The following KCNJ6 variants were observed in gnomAD, a reference collection of about 807,000 sequenced individuals.
KCNJ6 encodes G protein-activated inward rectifier potassium channel 2.
Under a neutral mutation model 34.2 loss-of-function variants are expected in KCNJ6, and 9 were observed. The ratio of observed to expected loss-of-function variants is 0.26; its 90% CI spans 0.16 to 0.46. The LOEUF (loss-of-function observed/expected upper bound fraction) is 0.46. Ranked by LOEUF, KCNJ6 falls within the 20% of genes least tolerant of loss-of-function variation. The probability of loss-of-function intolerance (pLI) is 1.00; values close to 1 mark genes in which losing one functional copy is unlikely to be tolerated. For synonymous variants in KCNJ6, 196 were observed against 207.1 expected (o/e 0.95, Z 0.46); for missense variants, 236 against 531.3 (o/e 0.44, Z 5.46).
chr21:37,743,162 A>G (rs1202170930), intron 2 of KCNJ6, among the ~76,000 whole-genome samples: 1 of 152,112 alleles, frequency 6.6e-6, no homozygotes, highest in African/African-American at 2.4e-5. Flanking sequence ...TCCCTGACAG[A>G]CCCTCAATCT....
intron 2 of KCNJ6, among the ~76,000 whole-genome samples, chr21:37,752,198 T>C (rs1004017152): frequency 8.5e-5 from 13 of 152,270 alleles, no homozygotes; most frequent in Admixed American, 2.0e-4. Context: ...TCATGAGACC[T>C]TGGGCACCAG....
rs575035235 is a variant in KCNJ6 at position 37,879,306 on chromosome 21, A to T, written c.-28+36578T>A. Among the ~76,000 whole-genome samples the T allele has an allele frequency of 7.9e-5, 12 of 152,290 alleles. No homozygotes were observed. In the East Asian group the frequency reaches 9.7e-4, roughly 12 times the overall value. Reference sequence around the variant, plus strand: ...TCTGAGGACAGGGAAAGGTGGTGTGAAATGCCTCCAGAACAAAGGTGGGTT... The same window carrying T: ...TCTGAGGACAGGGAAAGGTGGTGTGTAATGCCTCCAGAACAAAGGTGGGTT... On this transcript the variant is annotated intron_variant, in intron 1 of 3. Transcript: ENST00000609713.
chr21:37,857,234 T>C (rs1188474483), intron 1 of KCNJ6, among the ~76,000 whole-genome samples: 3 of 152,188 alleles, frequency 2.0e-5, no homozygotes, highest in Non-Finnish European at 4.4e-5. Context: ...GGGAGGGCTA[T>C]TGTTACATGC....
intron 2 of KCNJ6, among the ~76,000 whole-genome samples, chr21:37,811,580 G>A (rs919626695): frequency 5.3e-5 from 8 of 152,202 alleles, no homozygotes; most frequent in Admixed American, 5.2e-4. Context: ...GGTGTCAGAA[G>A]TGTTCTGTTT....
At chr21:37,824,110 G>C (rs1170202008) in intron 2 of KCNJ6, among the ~76,000 whole-genome samples, 1 of 152,134 alleles carries the variant, frequency 6.6e-6, no homozygotes, top group African/African-American at 2.4e-5. Context: ...GGGGGAAAAA[G>C]AGACAAATGC....
At chr21:37,707,712 A>AGTGTGTGTGTGTGTGTGTGTGT (rs1556022131) in intron 3 of KCNJ6, among the ~76,000 whole-genome samples, 7 of 132,774 alleles carry the variant, frequency 5.3e-5, no homozygotes, top group Non-Finnish European at 7.5e-5. Flanking sequence ...TTAGCTGTTT[A>AGTGTGTGTGTGTGTGTGTGTGT]GTATCTGTGC....
intron 2 of KCNJ6, among the ~76,000 whole-genome samples, chr21:37,771,532 C>T (rs1179720483): frequency 2.0e-5 from 3 of 152,134 alleles, no homozygotes; most frequent in South Asian, 2.1e-4. Context: ...CTCTGGTAAA[C>T]GTTGACTGAT....
chr21:37,672,623 T>C (rs2054547195), intron 3 of KCNJ6, among the ~76,000 whole-genome samples: 1 of 152,202 alleles, frequency 6.6e-6, no homozygotes, highest in Non-Finnish European at 1.5e-5. Flanking sequence ...CTTAGCTTAG[T>C]ATAAACTTAT....
chr21:37,856,419 G>T (rs1019885868), intron 1 of KCNJ6, among the ~76,000 whole-genome samples: 20 of 152,080 alleles, frequency 1.3e-4, no homozygotes, highest in African/African-American at 4.6e-4. Flanking sequence ...GTGATTTTGT[G>T]CTTCCGGCCT....
At chr21:37,880,897 G>T (rs1286504508) in intron 1 of KCNJ6, among the ~76,000 whole-genome samples, 1 of 152,176 alleles carries the variant, frequency 6.6e-6, no homozygotes, top group Admixed American at 6.5e-5. Flanking sequence ...AACTTCAAAA[G>T]AATTCAGAGA....
At chr21:37,669,028 A>G (rs1289146827) in intron 3 of KCNJ6, among the ~76,000 whole-genome samples, 2 of 152,166 alleles carry the variant, frequency 1.3e-5, no homozygotes, top group East Asian at 1.9e-4. Flanking sequence ...AAACATTGCC[A>G]TCTATTGTCT....
At chr21:37,642,205 G>A (rs2054383823) in intron 3 of KCNJ6, among the ~76,000 whole-genome samples, 1 of 152,172 alleles carries the variant, frequency 6.6e-6, no homozygotes, top group Admixed American at 6.5e-5. Context: ...GATAACAGAA[G>A]CCTGGGAGGG....
intron 2 of KCNJ6, among the ~76,000 whole-genome samples, chr21:37,808,334 A>G (rs61408670): frequency 0.017 from 2,587 of 152,322 alleles, 75 homozygotes; most frequent in African/African-American, 0.056. Flanking sequence ...TATTCTGAGA[A>G]ATGGAGCTAA....
intron 3 of KCNJ6, among the ~76,000 whole-genome samples, chr21:37,655,917 T>G (rs2054461711): frequency 6.6e-6 from 1 of 152,190 alleles, no homozygotes; most frequent in Non-Finnish European, 1.5e-5. Flanking sequence ...TCTCTTGCTC[T>G]CTCTCTTTTT....
At chr21:37,629,590 T>C (rs1438942283) in intron 3 of KCNJ6, among the ~76,000 whole-genome samples, 1 of 152,142 alleles carries the variant, frequency 6.6e-6, no homozygotes, top group Non-Finnish European at 1.5e-5. Context: ...AAAGATTATG[T>C]GAACAGAGGG....
chr21:37,813,390 G>T (rs922137092), intron 2 of KCNJ6, among the ~76,000 whole-genome samples: 4 of 151,884 alleles, frequency 2.6e-5, no homozygotes, highest in African/African-American at 7.3e-5. Flanking sequence ...ATTCTTCACA[G>T]AAATAAAAAA....
intron 2 of KCNJ6, among the ~76,000 whole-genome samples, chr21:37,733,850 T>C (rs542029643): frequency 6.6e-6 from 1 of 152,188 alleles, no homozygotes; most frequent in South Asian, 2.1e-4. Context: ...AAAATGATTC[T>C]TTTCCTCCAT....
intron 3 of KCNJ6, among the ~76,000 whole-genome samples, chr21:37,710,409 G>C (rs1270063874): frequency 6.6e-6 from 1 of 152,204 alleles, no homozygotes; most frequent in Admixed American, 6.5e-5. Flanking sequence ...ACCCTGAATT[G>C]ATAATCACTG....
At chr21:37,784,369 C>T (rs1481967967) in intron 2 of KCNJ6, among the ~76,000 whole-genome samples, 1 of 152,214 alleles carries the variant, frequency 6.6e-6, no homozygotes, top group African/African-American at 2.4e-5. Context: ...CTTTCCCTGC[C>T]CTCAGCCAGA....
Sources: allele counts gnomAD v4.1 joint callset (sites outside exome capture counted in the v4.1 genomes callset), GRCh38; gene constraint gnomAD v4.1.1; transcripts MANE v1.5; gene names NCBI Gene and HGNC (gene_info 2026-07-23, HGNC 2026-07-21).